The following KIF4A variants were observed in gnomAD, a reference collection of about 807,000 sequenced individuals.
KIF4A encodes the protein chromosome-associated kinesin KIF4A.
A neutral mutation model predicts 105.9 loss-of-function variants in KIF4A; 7 were observed. The observed-to-expected ratio is 0.07, with a 90% CI of 0.04 to 0.12. The LOEUF is 0.12. Ranked by LOEUF, KIF4A falls within the 10% of genes least tolerant of loss-of-function variation. KIF4A has a pLI of 1.00. For synonymous variants in KIF4A, 281 were observed against 331.3 expected (o/e 0.85, Z 1.65); for missense variants, 558 against 929.2 (o/e 0.60, Z 5.19).
chrX:70,340,921 C>G (rs1477529259), intron 10 of KIF4A, among the ~76,000 whole-genome samples: 1 of 111,371 alleles, frequency 9.0e-6, no homozygotes, highest in Non-Finnish European at 1.9e-5. Context: ...GTCCTGTTTT[C>G]CAGTCTTTTG....
At chrX:70,336,773 A>T (rs1444118106) in intron 10 of KIF4A, among the ~76,000 whole-genome samples, 2 of 111,868 alleles carry the variant, frequency 1.8e-5, no homozygotes, top group African/African-American at 3.3e-5. Flanking sequence ...TACCATTTTA[A>T]TTATTTTAAG....
At chrX:70,354,091 A>T (rs1159897662) in intron 15 of KIF4A, among the ~76,000 whole-genome samples, 1 of 112,603 alleles carries the variant, frequency 8.9e-6, no homozygotes, top group African/African-American at 3.2e-5. Context: ...TTATATTCTA[A>T]TAACTATGCT....
chrX:70,321,360 G>A (rs2085889589), intron 7 of KIF4A, among the ~76,000 whole-genome samples: 1 of 112,136 alleles, frequency 8.9e-6, no homozygotes, highest in Admixed American at 9.4e-5. Flanking sequence ...TTTTAATCAT[G>A]TTATCTTCTA....
At chrX:70,306,872 C>T (rs1408150247) in intron 7 of KIF4A, among the ~76,000 whole-genome samples, 1 of 108,706 alleles carries the variant, frequency 9.2e-6, no homozygotes, top group Non-Finnish European at 1.9e-5. Flanking sequence ...CAAGATCTTG[C>T]TCTGTTTCCC....
chrX:70,296,960 T>C lies in KIF4A; in HGVS notation c.236-38T>C, dbSNP rs200243677. 2.6e-6 allele frequency: 3 copies of C among 1,165,733 alleles called. No individual in the cohort carries two copies. The Admixed American group carries it at 7.5e-5, about 29-fold the overall frequency. ...GGAGTATATTGATTAGATGAAAATGTTTAAACACCACTATGCATGTGACGT... is the reference window on the plus strand; with the variant it reads ...GGAGTATATTGATTAGATGAAAATGCTTAAACACCACTATGCATGTGACGT... On this transcript the variant is annotated intron_variant, in intron 3 of 30. Transcript: ENST00000374403.
intron 29 of KIF4A, among the ~76,000 whole-genome samples, chrX:70,418,581 C>G (rs1327001071): frequency 1.8e-5 from 2 of 111,601 alleles, no homozygotes; most frequent in East Asian, 5.6e-4. Context: ...GAATAGCAAA[C>G]TCAGGAAAAC....
chrX:70,403,089 CT>C lies in KIF4A; in HGVS notation c.2619+398del, dbSNP rs1298708415. Among the ~76,000 whole-genome samples, 37 of 112,007 alleles carry C rather than the reference CT, an allele frequency of 3.3e-4. 1 individual carries two copies. The highest frequency in any genetic ancestry group is 5.6e-5 in the Non-Finnish European group (3 of 53,203). On this transcript the variant is annotated intron_variant, in intron 23 of 30. Transcript: ENST00000374403. ...TCTAGAAAAGGGAAAACCTAAGCAT[CT>C]TTTGACATATAAAGATTCATTTTAG...
chrX:70,370,501 A>G (rs1487148791), intron 15 of KIF4A, among the ~76,000 whole-genome samples: 1 of 108,718 alleles, frequency 9.2e-6, no homozygotes, highest in Admixed American at 1.0e-4. Context: ...ATGATATACT[A>G]TATATAGAAT....
At position 70,406,475 on chromosome X, in the gene KIF4A, T is replaced by C. The variant is rs955298257; in HGVS notation, c.3072+121T>C. On this transcript the variant is annotated intron_variant, in intron 27 of 30. Coordinates refer to ENST00000374403, the MANE Select transcript of KIF4A (RefSeq NM_012310.5). ...CCAAATTCTAGCATCTCACTTTTCT[T>C]TGGAGTCCCAGATAAAACTACAGTT... The C allele has an allele frequency of 7.4e-6, 4 of 536,917 alleles. No homozygotes were observed. In the South Asian group the frequency reaches 9.5e-5, roughly 13 times the overall value. The allele number at this position is 536,917 out of a possible 1,213,427, so 44.2% of individuals were successfully genotyped here.
intron 7 of KIF4A, among the ~76,000 whole-genome samples, chrX:70,306,729 C>T (rs1052029086): frequency 9.0e-6 from 1 of 110,713 alleles, no homozygotes; most frequent in Non-Finnish European, 1.9e-5. Flanking sequence ...TTAGTAGAGA[C>T]GGGACTTCAC....
intron 13 of KIF4A, among the ~76,000 whole-genome samples, chrX:70,351,209 C>T (rs947336934): frequency 2.7e-5 from 3 of 110,820 alleles, no homozygotes; most frequent in Non-Finnish European, 5.7e-5. Flanking sequence ...ATAGATATAT[C>T]GGGTAGTACC....
At chrX:70,319,156 G>A (rs1435657229) in intron 7 of KIF4A, among the ~76,000 whole-genome samples, 1 of 111,056 alleles carries the variant, frequency 9.0e-6, no homozygotes, top group Non-Finnish European at 1.9e-5. Flanking sequence ...CCAGCTACTC[G>A]GGAGGCTGAG....
intron 22 of KIF4A, chrX:70,396,400 A>G (rs1382754473): frequency 7.9e-6 from 1 of 126,544 alleles, no homozygotes; most frequent in Admixed American, 8.8e-5. Flanking sequence ...TAATTGGTTA[A>G]TTTTTAAAAG....
chrX:70,393,182 C>T (rs996114563), intron 20 of KIF4A, among the ~76,000 whole-genome samples: 7 of 110,503 alleles, frequency 6.3e-5, no homozygotes, highest in African/African-American at 2.0e-4. Flanking sequence ...TGATTTTTTT[C>T]TTTGACCCAT....
chrX:70,299,564 A>G (rs2085796644), intron 5 of KIF4A, among the ~76,000 whole-genome samples: 1 of 111,886 alleles, frequency 8.9e-6, no homozygotes, highest in South Asian at 3.8e-4. Context: ...TCATTTCCTC[A>G]GGCACACTAG....
At position 70,406,355 on chromosome X, in the gene KIF4A, G is replaced by A. The variant is rs908718052; in HGVS notation, c.3072+1G>A. 4.2e-6 allele frequency: 5 copies of A among 1,183,575 alleles called. No individual in the cohort carries two copies. The highest frequency in any genetic ancestry group is 5.7e-6 in the Non-Finnish European group (5 of 869,999). On this transcript the variant is annotated splice_donor_variant, in intron 27 of 30. Transcript: ENST00000374403. LOFTEE classifies it high-confidence loss of function. ...TTCTTTTGAATATGTCCCACCTAAGGTAAAATGATCAGTGCCTGTGATACC... is the reference window on the plus strand; with the variant it reads ...TTCTTTTGAATATGTCCCACCTAAGATAAAATGATCAGTGCCTGTGATACC...
chrX:70,378,156 T>G (rs1481085455), intron 18 of KIF4A, among the ~76,000 whole-genome samples: 1 of 111,755 alleles, frequency 8.9e-6, no homozygotes, highest in Non-Finnish European at 1.9e-5. Context: ...GAGATACAGC[T>G]AAAACAGTGT....
At chrX:70,362,884 TC>T (rs1340356483) in intron 15 of KIF4A, among the ~76,000 whole-genome samples, 1 of 111,676 alleles carries the variant, frequency 9.0e-6, no homozygotes, top group East Asian at 2.8e-4. Flanking sequence ...TGAATCACCA[TC>T]TTTTTTTTTC....
chrX:70,373,545 TATATATATATAC>T (rs1220289301), intron 15 of KIF4A, among the ~76,000 whole-genome samples: 2,488 of 45,998 alleles, frequency 0.054, 654 homozygotes, highest in African/African-American at 0.12. Context: ...TATATATATA[TATATATATATAC>T]GTATATATAT....
Sources: allele counts gnomAD v4.1 joint callset (sites outside exome capture counted in the v4.1 genomes callset), GRCh38; gene constraint gnomAD v4.1.1; transcripts MANE v1.5; gene names NCBI Gene and HGNC (gene_info 2026-07-23, HGNC 2026-07-21).